RADIL: variants seen among roughly 807,000 people sequenced by gnomAD.
RADIL encodes ras-associating and dilute domain-containing protein.
Under a neutral mutation model 97.6 loss-of-function variants are expected in RADIL, and 99 were observed. That is an observed-to-expected ratio of 1.01 (90% CI 0.86 to 1.20). The LOEUF (loss-of-function observed/expected upper bound fraction) is 1.20, where lower values mean the gene tolerates loss of function less well. RADIL is among the 50% of genes most tolerant of loss of function. The pLI, the probability that RADIL is intolerant of heterozygous loss-of-function variation, is 0.00. For synonymous variants in RADIL, 803 were observed against 691.8 expected (o/e 1.16, Z -2.52); for missense variants, 1,765 against 1,498.9 (o/e 1.18, Z -2.93).
At position 4,799,679 on chromosome 7, in the gene RADIL, G is replaced by A. The variant is rs369056417; in HGVS notation, c.3073C>T (p.Arg1025Cys). The A allele has an allele frequency of 1.8e-5, 29 of 1,591,838 alleles. No individual in the cohort carries two copies. The Middle Eastern group carries it at 5.0e-4, about 27-fold the overall frequency. ...CTGCTGCCATTCACCTCCAGGATAC[G>A]GTCCCCCAGCGACAGGCGCCCGTCG... Reference protein sequence around the residue: ...AADGRLSLGDRILEVNGSSLL... With the variant: ...AADGRLSLGDCILEVNGSSLL... Residue 1025 changes from arginine (R) to cysteine (C), a missense_variant, in exon 14 of 15, where the codon CGT (arginine) becomes TGT (cysteine). Physicochemically the swap from Arg to Cys is radical, Grantham distance 180. Transcript: ENST00000399583.
At position 4,820,797 on chromosome 7, in the gene RADIL, C is replaced by T. The variant is rs150123437; in HGVS notation, c.1615+1597G>A. ...TGGTCTCTGCAGCCCGGCCCCCGCCCGGAGGCTGAGGACTGGGCCCCGACG... is the reference window on the plus strand; with the variant it reads ...TGGTCTCTGCAGCCCGGCCCCCGCCTGGAGGCTGAGGACTGGGCCCCGACG... On this transcript the variant is annotated intron_variant, in intron 6 of 14. Transcript: ENST00000399583. Among the ~76,000 whole-genome samples, 173 of 152,316 alleles carry T rather than the reference C, an allele frequency of 1.1e-3. 1 individual carries two copies. The highest frequency in any genetic ancestry group is 6.8e-3 in the Middle Eastern group (2 of 294).
rs1306268361 is a variant in RADIL at position 4,849,191 on chromosome 7, G to C, written c.536-12586C>G. Among the ~76,000 whole-genome samples the C allele has an allele frequency of 1.3e-5, 2 of 151,664 alleles. No homozygotes were observed. The highest frequency in any genetic ancestry group is 1.3e-4 in the Admixed American group (2 of 15,238). On this transcript the variant is annotated intron_variant, in intron 2 of 14. Coordinates refer to ENST00000399583, the MANE Select transcript of RADIL (RefSeq NM_018059.5). This position sits in a 1 kb window ranked among gnomAD's most constrained non-coding sequence, Gnocchi z 5.4. ...AGCCAGAAAGAAAGAGTTCACAGTTGAAAGTGGTTATGGGGAGTTCAAAAC... is the reference window on the plus strand; with the variant it reads ...AGCCAGAAAGAAAGAGTTCACAGTTCAAAGTGGTTATGGGGAGTTCAAAAC...
chr7:4,865,742 A>G, intron 2 of RADIL: 2 of 1,068,846 alleles, frequency 1.9e-6, no homozygotes, highest in Admixed American at 3.4e-5. Context: ...TCAAGAGTGA[A>G]CTTCAGAACC....
intron 2 of RADIL, among the ~76,000 whole-genome samples, chr7:4,845,594 C>A (rs906175118): frequency 3.3e-5 from 5 of 152,154 alleles, no homozygotes; most frequent in African/African-American, 1.2e-4. Context: ...ATTTCTCCTC[C>A]TTTCTCTATA....
chr7:4,858,097 A>G (rs1783878093), intron 2 of RADIL: 1 of 152,574 alleles, frequency 6.6e-6, no homozygotes, highest in Admixed American at 6.5e-5. Flanking sequence ...ATTGTGGTGA[A>G]ACGGCAAAGA....
intron 2 of RADIL, among the ~76,000 whole-genome samples, chr7:4,852,428 A>C (rs1421506749): frequency 6.6e-6 from 1 of 152,090 alleles, no homozygotes; most frequent in African/African-American, 2.4e-5. Context: ...GCACCTTTTT[A>C]CCTTCCGTTT....
rs561800797 is a variant in RADIL at position 4,842,232 on chromosome 7, C to T, written c.536-5627G>A. On this transcript the variant is annotated intron_variant, in intron 2 of 14. Transcript: ENST00000399583. This position sits in a 1 kb window ranked among gnomAD's most constrained non-coding sequence, Gnocchi z 4.5. ...ATGGGGAAGATGGGGATGGGACGGT[C>T]GTTGTTGACATCTTCTTCTACTCTC... Among the ~76,000 whole-genome samples, 25 of 152,112 alleles carry T rather than the reference C, an allele frequency of 1.6e-4. No individual in the cohort carries two copies. The highest frequency in any genetic ancestry group is 5.8e-4 in the African/African-American group (24 of 41,502).
chr7:4,860,701 T>C, intron 2 of RADIL: 2 of 1,614,188 alleles, frequency 1.2e-6, no homozygotes, highest in Non-Finnish European at 1.7e-6. Context: ...GCTTGTACTT[T>C]TGAAAGAAGC....
At position 4,818,691 on chromosome 7, in the gene RADIL, G is replaced by A. The variant is rs1782743253; in HGVS notation, c.1616-1340C>T. 2.0e-5 allele frequency among the ~76,000 whole-genome samples: 3 copies of A among 152,178 alleles called. No individual in the cohort carries two copies. In the South Asian group the frequency reaches 6.2e-4, roughly 32 times the overall value. On this transcript the variant is annotated intron_variant, in intron 6 of 14. Transcript: ENST00000399583. The surrounding 1 kb of genome is among the most constrained non-coding windows in gnomAD (Gnocchi z 7.1). ...CACAGCCACGGCAGGCGGGTCAGGA[G>A]GCTGAGCTCTGTCCCGTCCACCTGT...
At chr7:4,868,670 G>A (rs1161293382) in intron 2 of RADIL, among the ~76,000 whole-genome samples, 1 of 152,170 alleles carries the variant, frequency 6.6e-6, no homozygotes, top group African/African-American at 2.4e-5. Flanking sequence ...CTTTATTCTA[G>A]TTATTCATCA....
rs143969046 is a variant in RADIL at position 4,809,039 on chromosome 7, G to T, written c.2140-3323C>A. On this transcript the variant is annotated intron_variant, in intron 9 of 14. Transcript: ENST00000399583. ...CTGCCCCCCCTTGTCCCCTTCCGAC[G>T]CCACTGCCCCCCCGTTCCAATGCCA... is the stretch of plus-strand genomic sequence containing the variant. The T allele has an allele frequency of 1.2e-3, 990 of 857,290 alleles. 58 individuals carry two copies. The African/African-American group carries it at 0.032, about 27-fold the overall frequency. The allele number at this position is 857,290 out of a possible 1,614,324, so 53.1% of individuals were successfully genotyped here.
Position 4,834,251 on chromosome 7 carries a change from C to T in RADIL, c.1416+356G>A, listed in dbSNP as rs1306311758. On this transcript the variant is annotated intron_variant, in intron 4 of 14. Coordinates refer to ENST00000399583, the MANE Select transcript of RADIL (RefSeq NM_018059.5). This position sits in a 1 kb window ranked among gnomAD's most constrained non-coding sequence, Gnocchi z 6.0. ...CCTGTGAGAGCTATCAATGTCACCT[C>T]GGCCTCGTGGTGCCCAGGCTCAGGG... 2.0e-5 allele frequency among the ~76,000 whole-genome samples: 3 copies of T among 152,154 alleles called. No individual in the cohort carries two copies. The highest frequency in any genetic ancestry group is 2.1e-4 in the South Asian group (1 of 4,824).
intron 9 of RADIL, chr7:4,809,539 C>A (rs892823390): frequency 6.6e-5 from 65 of 985,410 alleles, no homozygotes; most frequent in South Asian, 3.3e-4. Context: ...TGCTCGGGAG[C>A]CCCCAGGCCC....
intron 5 of RADIL, 80 bp downstream of exon 5, chr7:4,832,061 C>A (rs1334050714): frequency 6.7e-7 from 1 of 1,485,658 alleles, no homozygotes. Flanking sequence ...GGAGACCCCT[C>A]GGGACTTGGC....
intron 12 of RADIL, 42 bp downstream of exon 12, chr7:4,801,611 G>T (rs1562424457): frequency 3.2e-6 from 5 of 1,545,380 alleles, no homozygotes; most frequent in Non-Finnish European, 4.4e-6. Context: ...TGCTGTGCGG[G>T]GTCTGGGGTG....
Position 4,800,535 on chromosome 7 carries a change from C to T in RADIL, c.2843-225G>A, listed in dbSNP as rs189959984. On this transcript the variant is annotated intron_variant, in intron 12 of 14. Transcript: ENST00000399583. ...TGTTCCCTGAGGGAGCACCTCAGTC[C>T]CCGCCCCTGGCAGTCCCAGGACACT... Among the ~76,000 whole-genome samples the T allele has an allele frequency of 2.1e-4, 32 of 152,236 alleles. 1 individual carries two copies. The East Asian group carries it at 5.8e-3, about 28-fold the overall frequency.
In RADIL at chr7:4,877,453, G is replaced by T. The variant is rs143055719; in HGVS notation, c.535+152C>A. 9.6e-4 allele frequency: 813 copies of T among 849,306 alleles called. 4 individuals are homozygous for T. The African/African-American group carries it at 0.012, about 12-fold the overall frequency. The allele number at this position is 849,306 out of a possible 1,614,324, so 52.6% of individuals were successfully genotyped here. On this transcript the variant is annotated intron_variant, in intron 2 of 14. Transcript: ENST00000399583. Reference sequence around the variant, plus strand: ...CTGTCTCAGAGAACAAAAGAGGAAGGCTTCAAACATCCAGGACACGGGCTC... The same window carrying T: ...CTGTCTCAGAGAACAAAAGAGGAAGTCTTCAAACATCCAGGACACGGGCTC...
intron 2 of RADIL, among the ~76,000 whole-genome samples, chr7:4,869,185 T>A (rs1784197935): frequency 6.6e-6 from 1 of 152,108 alleles, no homozygotes; most frequent in Non-Finnish European, 1.5e-5. Flanking sequence ...CAGGCTGGAG[T>A]GCAGTGGCAT....
rs1211554666 is a variant in RADIL at position 4,801,879 on chromosome 7, C to T, written c.2616G>A (p.Arg872=). 9.4e-6 allele frequency: 15 copies of T among 1,589,108 alleles called. No individual in the cohort carries two copies. Among genetic ancestry groups the T allele is most frequent in the Middle Eastern group, 3.4e-4 (2 of 5,924 alleles). The change falls in exon 12 of 15, where the codon AGG becomes AGA. Residue 872 remains arginine (R), a synonymous_variant. Transcript: ENST00000399583. ...GGGGGGCCTGTGCCCAGGGAGCCCC[C>T]CTCAAGGGAAGAGTACGCTCCGGGG... is the stretch of plus-strand genomic sequence containing the variant. ...EVAPERTLPL[R]GAPWAQAPPG...
Sources: allele counts gnomAD v4.1 joint callset (sites outside exome capture counted in the v4.1 genomes callset), GRCh38; gene constraint gnomAD v4.1.1; non-coding constraint Gnocchi (gnomAD v3.1); transcripts MANE v1.5; gene names NCBI Gene and HGNC (gene_info 2026-07-23, HGNC 2026-07-21).